The following DAPP1 variants were observed in gnomAD, a reference collection of about 807,000 sequenced individuals.
The protein encoded by DAPP1 is dual adaptor of phosphotyrosine and 3-phosphoinositides 1, also known as dual adapter for phosphotyrosine and 3-phosphotyrosine and 3-phosphoinositide.
Under a neutral mutation model 41.5 loss-of-function variants are expected in DAPP1, and 20 were observed. The ratio of observed to expected loss-of-function variants is 0.48; its 90% CI spans 0.34 to 0.70. The LOEUF is 0.70. DAPP1 is among the 30% of genes least tolerant of loss of function. The pLI is 0.01. For synonymous variants in DAPP1, 113 were observed against 116.2 expected (o/e 0.97, Z 0.18); for missense variants, 233 against 333.4 (o/e 0.70, Z 2.35).
intron 3 of DAPP1, among the ~76,000 whole-genome samples, chr4:99,848,663 T>C (rs1399240472): frequency 6.6e-6 from 1 of 152,196 alleles, no homozygotes; most frequent in African/African-American, 2.4e-5. Flanking sequence ...AATTGATGTG[T>C]CTGTCTTGAT....
At chr4:99,838,380 G>A (rs1012883562) in intron 2 of DAPP1, among the ~76,000 whole-genome samples, 2 of 152,086 alleles carry the variant, frequency 1.3e-5, no homozygotes, top group African/African-American at 4.8e-5. Context: ...TCACTTATTT[G>A]TTCATTCTTT....
At chr4:99,843,468 A>C (rs1395046088) in intron 3 of DAPP1, among the ~76,000 whole-genome samples, 1 of 152,194 alleles carries the variant, frequency 6.6e-6, no homozygotes, top group African/African-American at 2.4e-5. Context: ...AGGATTTCCT[A>C]AGCAACATCT....
At chr4:99,863,121 T>A in intron 6 of DAPP1, 49 bp downstream of exon 6, 1 of 1,224,860 alleles carries the variant, frequency 8.2e-7, no homozygotes, top group South Asian at 1.5e-5. Flanking sequence ...ATTCTCTAGA[T>A]GAAAGAAACT....
intron 3 of DAPP1, among the ~76,000 whole-genome samples, chr4:99,842,797 A>T (rs1723537989): frequency 6.6e-6 from 1 of 151,706 alleles, no homozygotes; most frequent in Non-Finnish European, 1.5e-5. Context: ...TGATCAGAAG[A>T]TCTTCAGGCT....
At chr4:99,823,163 C>A (rs1722828350) in intron 1 of DAPP1, among the ~76,000 whole-genome samples, 1 of 152,070 alleles carries the variant, frequency 6.6e-6, no homozygotes, top group African/African-American at 2.4e-5. Context: ...AACTGTTCAT[C>A]GAAAGAGTCA....
chr4:99,844,460 T>C (rs1247651984), intron 3 of DAPP1: 2 of 152,262 alleles, frequency 1.3e-5, no homozygotes, highest in Non-Finnish European at 2.9e-5. Flanking sequence ...ATTATTAATT[T>C]TGTCGTAGCC....
At chr4:99,829,825 G>A (rs1723061001) in intron 1 of DAPP1, among the ~76,000 whole-genome samples, 1 of 151,958 alleles carries the variant, frequency 6.6e-6, no homozygotes, top group African/African-American at 2.4e-5. Context: ...ATACCAGACA[G>A]CAAAAATATA....
intron 3 of DAPP1, among the ~76,000 whole-genome samples, chr4:99,852,349 A>T (rs1418583848): frequency 6.6e-6 from 1 of 152,228 alleles, no homozygotes; most frequent in Non-Finnish European, 1.5e-5. Context: ...AGAAGAAAAA[A>T]AATCCCCTTA....
intron 7 of DAPP1, among the ~76,000 whole-genome samples, chr4:99,864,461 C>T (rs1724358796): frequency 6.6e-6 from 1 of 151,820 alleles, no homozygotes; most frequent in Non-Finnish European, 1.5e-5. Context: ...AAGTTGCAGA[C>T]ATCATGGCAC....
At chr4:99,840,242 G>T (rs773506907) in intron 2 of DAPP1, 47 bp from the exon 3 acceptor site, 4 of 1,303,818 alleles carry the variant, frequency 3.1e-6, no homozygotes, top group Non-Finnish European at 4.2e-6. Context: ...CCTTCAACAA[G>T]ATATTTATTT....
intron 1 of DAPP1, among the ~76,000 whole-genome samples, chr4:99,833,727 C>T (rs757472910): frequency 3.9e-5 from 6 of 152,262 alleles, no homozygotes; most frequent in Non-Finnish European, 8.8e-5. Context: ...ACTGCCTCTG[C>T]TGTCTAGCTT....
rs146032134 is a variant in DAPP1 at position 99,863,785 on chromosome 4, C to T, written c.616C>T (p.Arg206Trp). Reference protein sequence around the residue: ...FKDQMSPEPIRILDLTECSAV... With the variant: ...FKDQMSPEPIWILDLTECSAV... ...TTTTATTTAGTCACCAGAACCAATT[C>T]GGATCCTAGACCTAACAGAATGTTC... is the stretch of plus-strand genomic sequence containing the variant. The change falls in exon 7 of 9, where the codon CGG becomes TGG. Residue 206 changes from arginine to tryptophan, a missense_variant. Coordinates refer to ENST00000512369, the MANE Select transcript of DAPP1 (RefSeq NM_014395.3). The T allele has an allele frequency of 2.5e-6, 4 of 1,582,664 alleles. No individual in the cohort carries two copies. Among genetic ancestry groups the T allele is most frequent in the Non-Finnish European group, 3.4e-6 (4 of 1,164,240 alleles).
downstream of DAPP1, among the ~76,000 whole-genome samples, chr4:99,870,977 C>T (rs181821320): frequency 2.6e-5 from 4 of 152,210 alleles, no homozygotes; most frequent in Admixed American, 2.0e-4. Flanking sequence ...AATGGAACCC[C>T]ATCATAAGTC....
chr4:99,839,372 GATATCT>G (rs1723416927), intron 2 of DAPP1, among the ~76,000 whole-genome samples: 1 of 107,058 alleles, frequency 9.3e-6, no homozygotes, highest in Non-Finnish European at 2.1e-5. Context: ...GATATATATA[GATATCT>G]ATAGATATAT....
At chr4:99,822,173 C>T (rs1277390736) in intron 1 of DAPP1, among the ~76,000 whole-genome samples, 1 of 152,154 alleles carries the variant, frequency 6.6e-6, no homozygotes, top group African/African-American at 2.4e-5. Flanking sequence ...TCTGTTCCTC[C>T]AAAGGGTGAC....
chr4:99,840,190 A>T lies in DAPP1; in HGVS notation c.225-99A>T, dbSNP rs1012162011. 29 of 751,782 alleles carry T rather than the reference A, an allele frequency of 3.9e-5. No individual in the cohort carries two copies. In the African/African-American group the frequency reaches 4.8e-4, roughly 12 times the overall value. The allele number at this position is 751,782 out of a possible 1,614,324, so 46.6% of individuals were successfully genotyped here. On this transcript the variant is annotated intron_variant, in intron 2 of 8. Coordinates refer to ENST00000512369, the MANE Select transcript of DAPP1 (RefSeq NM_014395.3). ...AATGATTGCCTAATTCTCAGTTCTT[A>T]TAAAGGGTTAATAGTGATGCTAACA...
chr4:99,863,203 T>A, intron 6 of DAPP1, 131 bp downstream of exon 6: 1 of 609,116 alleles, frequency 1.6e-6, no homozygotes, highest in Non-Finnish European at 2.8e-6. Context: ...GAGATATGAA[T>A]TCTTGATTCC....
In DAPP1 at chr4:99,868,318, A is replaced by ATTTGTT; in HGVS notation, c.*135_*136insTGTTTT. On this transcript the variant is annotated 3_prime_UTR_variant, in exon 9 of 9. Transcript: ENST00000512369. ...AAAAACAAATCAGAAGCAGATGCTG[A>ATTTGTT]TTGGGACCCATATACCACGTTGCTG... The ATTTGTT allele has an allele frequency of 1.3e-6, 1 of 785,020 alleles. No homozygotes were observed. The allele number at this position is 785,020 out of a possible 1,614,324, so 48.6% of individuals were successfully genotyped here. A position where few individuals can be genotyped will look rare whatever the true frequency, so the allele number is the denominator to read the frequency against.
intron 2 of DAPP1, among the ~76,000 whole-genome samples, chr4:99,839,708 A>T (rs1723431738): frequency 6.6e-6 from 1 of 152,202 alleles, no homozygotes; most frequent in Non-Finnish European, 1.5e-5. Context: ...ATAATGTTCA[A>T]GGACTCTTTT....
Sources: gnomAD v4.1 joint callset for allele counts (sites outside exome capture counted in the v4.1 genomes callset) on GRCh38, gnomAD v4.1.1 for gene constraint, MANE v1.5 for transcripts, NCBI Gene and HGNC (gene_info 2026-07-23, HGNC 2026-07-21) for gene names.